Variants in EPHA3 observed in about 807,000 individuals in gnomAD.
EPHA3 encodes the protein ephrin type-A receptor 3.
In EPHA3, 42 loss-of-function variants were observed where a neutral mutation model predicts 107.1. The ratio of observed to expected loss-of-function variants is 0.39; its 90% CI spans 0.31 to 0.51. EPHA3 has a LOEUF of 0.51. Among genes scored for constraint, EPHA3 ranks in the 20% least tolerant of loss-of-function variants. The pLI is 0.78. For missense variants in EPHA3, 1,183 were observed against 1,211.2 expected, an observed-to-expected ratio of 0.98 and a Z score of 0.35; for synonymous variants, 461 against 424.8, an observed-to-expected ratio of 1.09 and a Z score of -1.05.
At chr3:89,359,570 C>G (rs1297102606) in intron 5 of EPHA3, among the ~76,000 whole-genome samples, 2 of 149,726 alleles carry the variant, frequency 1.3e-5, no homozygotes, top group African/African-American at 4.9e-5. Context: ...TATTTTTTAG[C>G]ACTGTATGAT....
intron 3 of EPHA3, among the ~76,000 whole-genome samples, chr3:89,292,139 G>A (rs1472120066): frequency 6.6e-6 from 1 of 152,074 alleles, no homozygotes; most frequent in Non-Finnish European, 1.5e-5. Context: ...GGAAAGTAAG[G>A]AGGGATAATT....
chr3:89,471,491 C>A (rs763966114), intron 15 of EPHA3, among the ~76,000 whole-genome samples: 4 of 152,132 alleles, frequency 2.6e-5, no homozygotes, highest in Admixed American at 1.3e-4. Context: ...GCTTCAGCGT[C>A]CCGAGTAGCT....
intron 2 of EPHA3, among the ~76,000 whole-genome samples, chr3:89,184,114 CAA>C (rs1275038061): frequency 6.6e-6 from 1 of 151,664 alleles, no homozygotes; most frequent in Admixed American, 6.6e-5. Context: ...TTTCAGGGAC[CAA>C]ATAGTTATAG....
intron 5 of EPHA3, among the ~76,000 whole-genome samples, chr3:89,379,236 T>C (rs1240227651): frequency 6.6e-6 from 1 of 152,162 alleles, no homozygotes; most frequent in Non-Finnish European, 1.5e-5. Context: ...GTAAATTTGT[T>C]TGGGATAAAA....
At chr3:89,247,297 C>G (rs948861796) in intron 3 of EPHA3, among the ~76,000 whole-genome samples, 1 of 151,850 alleles carries the variant, frequency 6.6e-6, no homozygotes, top group Non-Finnish European at 1.5e-5. Flanking sequence ...AAACTTAAGG[C>G]CATACTTAAA....
chr3:89,413,323 G>C, intron 10 of EPHA3, 57 bp downstream of exon 10: 1 of 1,602,328 alleles, frequency 6.2e-7, no homozygotes, highest in Non-Finnish European at 8.5e-7. Flanking sequence ...CGATTGCTCA[G>C]TCTCTGAAAC....
At chr3:89,404,933 G>C (rs1268075890) in intron 7 of EPHA3, among the ~76,000 whole-genome samples, 1 of 152,052 alleles carries the variant, frequency 6.6e-6, no homozygotes, top group Non-Finnish European at 1.5e-5. Flanking sequence ...ATATGTTTAT[G>C]GAGCATTTTT....
At chr3:89,112,023 T>C (rs1707121226) in intron 1 of EPHA3, among the ~76,000 whole-genome samples, 1 of 152,052 alleles carries the variant, frequency 6.6e-6, no homozygotes. Flanking sequence ...CTTTGCCTAT[T>C]TTAAGGTTAA....
intron 7 of EPHA3, among the ~76,000 whole-genome samples, chr3:89,404,441 A>AT (rs1709018149): frequency 6.6e-6 from 1 of 152,214 alleles, no homozygotes; most frequent in South Asian, 2.1e-4. Flanking sequence ...GACTCAAAAG[A>AT]ATGAACTCTG....
At chr3:89,233,636 A>G (rs778282972) in intron 3 of EPHA3, among the ~76,000 whole-genome samples, 15 of 152,086 alleles carry the variant, frequency 9.9e-5, no homozygotes, top group East Asian at 3.9e-4. Flanking sequence ...CGGTTCCTCA[A>G]TTGGTGTTGG....
intron 5 of EPHA3, among the ~76,000 whole-genome samples, chr3:89,376,004 C>T (rs1372844418): frequency 6.6e-6 from 1 of 151,860 alleles, no homozygotes; most frequent in Admixed American, 6.6e-5. Context: ...TTACATGGCA[C>T]CTGGCATACA....
At chr3:89,379,738 A>G (rs1175875364) in intron 5 of EPHA3, among the ~76,000 whole-genome samples, 1 of 152,342 alleles carries the variant, frequency 6.6e-6, no homozygotes, top group Non-Finnish European at 1.5e-5. Flanking sequence ...AATGTTTTAC[A>G]TTGTATACAA....
chr3:89,324,372 T>C (rs185015121), intron 3 of EPHA3, among the ~76,000 whole-genome samples: 21 of 152,050 alleles, frequency 1.4e-4, no homozygotes, highest in African/African-American at 4.8e-4. Flanking sequence ...GGTTTCCCCA[T>C]GTTGGCCAGG....
At chr3:89,181,474 G>A (rs1360616362) in intron 2 of EPHA3, among the ~76,000 whole-genome samples, 1 of 151,744 alleles carries the variant, frequency 6.6e-6, no homozygotes, top group African/African-American at 2.4e-5. Context: ...CTGTTTAATA[G>A]GTAGTCAATG....
chr3:89,259,433 A>C (rs979937867), intron 3 of EPHA3, among the ~76,000 whole-genome samples: 1 of 152,244 alleles, frequency 6.6e-6, no homozygotes, highest in Non-Finnish European at 1.5e-5. Context: ...TGCTTGGAAC[A>C]TGCTAGGCGT....
At chr3:89,322,711 A>G (rs771944947) in intron 3 of EPHA3, among the ~76,000 whole-genome samples, 8 of 152,144 alleles carry the variant, frequency 5.3e-5, no homozygotes, top group South Asian at 2.1e-4. Context: ...ACAAAGTCAA[A>G]GGTAATCATT....
chr3:89,270,376 C>T (rs1159608381), intron 3 of EPHA3, among the ~76,000 whole-genome samples: 1 of 152,066 alleles, frequency 6.6e-6, no homozygotes, highest in Non-Finnish European at 1.5e-5. Context: ...GACTTCCACG[C>T]ACTGTCTACT....
At chr3:89,191,628 CA>C (rs1705719518) in intron 2 of EPHA3, among the ~76,000 whole-genome samples, 1 of 152,092 alleles carries the variant, frequency 6.6e-6, no homozygotes, top group South Asian at 2.1e-4. Flanking sequence ...AATATTTATA[CA>C]AAATTTAAAT....
chr3:89,177,015 G>A (rs1705334062), intron 2 of EPHA3, among the ~76,000 whole-genome samples: 1 of 151,810 alleles, frequency 6.6e-6, no homozygotes, highest in Non-Finnish European at 1.5e-5. Flanking sequence ...CTTAGACATT[G>A]ACTAATTTGC....
Sources: allele counts gnomAD v4.1 joint callset (sites outside exome capture counted in the v4.1 genomes callset), GRCh38; gene constraint gnomAD v4.1.1; transcripts MANE v1.5; gene names NCBI Gene and HGNC (gene_info 2026-07-23, HGNC 2026-07-21).